Variants in FXR2 observed in about 807,000 individuals in gnomAD.
FXR2 encodes the protein FMR1 autosomal homolog 2.
A neutral mutation model predicts 87.3 loss-of-function variants in FXR2; 9 were observed. That is an observed-to-expected ratio of 0.10 (90% CI 0.06 to 0.18). FXR2 has a LOEUF of 0.18. Among genes scored for constraint, FXR2 ranks in the 10% least tolerant of loss-of-function variants. The probability of loss-of-function intolerance (pLI) is 1.00; values close to 1 mark genes in which losing one functional copy is unlikely to be tolerated. For synonymous variants in FXR2, 331 were observed against 328.3 expected, an observed-to-expected ratio of 1.01 and a Z score of -0.09; for missense variants, 661 against 893.6, an observed-to-expected ratio of 0.74 and a Z score of 3.32.
chr17:7,610,478 A>G (rs2071854535), intron 1 of FXR2, among the ~76,000 whole-genome samples: 3 of 152,146 alleles, frequency 2.0e-5, no homozygotes, highest in African/African-American at 7.2e-5. Context: ...CATGACTTCC[A>G]AGGCAGAAAT....
rs200446193 is a variant in FXR2, at chr17:7,601,680, G to A, written c.544-155C>T. Among the ~76,000 whole-genome samples the A allele has an allele frequency of 2.6e-4, 39 of 152,338 alleles. No homozygotes were observed. In the East Asian group the frequency reaches 6.2e-3, roughly 24 times the overall value. ...GCGGTGGCTCATGCCTGCAATCCCA[G>A]GACTTTGGGAGGCCAAGGCAGGCGG... On this transcript the variant is annotated intron_variant, in intron 6 of 16. Transcript: ENST00000250113.
intron 7 of FXR2, among the ~76,000 whole-genome samples, chr17:7,598,319 G>A (rs1223355082): frequency 2.0e-5 from 3 of 152,148 alleles, no homozygotes; most frequent in Non-Finnish European, 4.4e-5. Context: ...GCCGGGCGTG[G>A]TGGCAGGCGC....
In FXR2 at chr17:7,591,650, G is replaced by A. The variant is rs2071661497; in HGVS notation, c.*180C>T. 6.3e-6 allele frequency: 4 copies of A among 634,928 alleles called. No homozygotes were observed. Among genetic ancestry groups the A allele is most frequent in the Admixed American group, 2.4e-5 (1 of 42,204 alleles). 39.3% of individuals were successfully genotyped at this position (634,928 alleles called of 1,614,324 possible). On this transcript the variant is annotated 3_prime_UTR_variant, in exon 17 of 17. Coordinates refer to ENST00000250113, the MANE Select transcript of FXR2 (RefSeq NM_004860.4). This position sits in a 1 kb window ranked among gnomAD's most constrained non-coding sequence, Gnocchi z 4.0. ...GGGGTAGGGTGGACAAGAGGGAGGG[G>A]GTATGACCCTGTTACACACCCCTCC...
At chr17:7,605,123 C>G (rs1001115521) in intron 3 of FXR2, among the ~76,000 whole-genome samples, 10 of 147,060 alleles carry the variant, frequency 6.8e-5, no homozygotes, top group African/African-American at 2.7e-4. Flanking sequence ...AATCCCAGCA[C>G]TTTGGGAAGC....
At chr17:7,611,528 C>A (rs928414517) in intron 1 of FXR2, among the ~76,000 whole-genome samples, 1 of 152,112 alleles carries the variant, frequency 6.6e-6, no homozygotes, top group Non-Finnish European at 1.5e-5. Flanking sequence ...ATTAGCCAGG[C>A]ATGGTGTTGC....
At chr17:7,599,279 G>A (rs1252063905) in intron 7 of FXR2, among the ~76,000 whole-genome samples, 6 of 152,062 alleles carry the variant, frequency 3.9e-5, no homozygotes, top group South Asian at 2.1e-4. Flanking sequence ...CTCCAGCCTG[G>A]ATAACAGACT....
At chr17:7,610,554 TA>T (rs1422114466) in intron 1 of FXR2, among the ~76,000 whole-genome samples, 2 of 152,146 alleles carry the variant, frequency 1.3e-5, no homozygotes, top group East Asian at 3.9e-4. Context: ...ACTCAACCCT[TA>T]TATTTCCAGG....
At chr17:7,598,769 G>A (rs2071728696) in intron 7 of FXR2, among the ~76,000 whole-genome samples, 1 of 152,208 alleles carries the variant, frequency 6.6e-6, no homozygotes, top group Admixed American at 6.5e-5. Flanking sequence ...AGCACTTTGG[G>A]AGGCCAAGGC....
intron 7 of FXR2, 68 bp downstream of exon 7, chr17:7,601,341 A>G (rs2150943855): frequency 1.1e-6 from 1 of 877,202 alleles, no homozygotes; most frequent in South Asian, 1.3e-5. Flanking sequence ...AAGATCATGG[A>G]TGGAGGACAG....
chr17:7,606,321 A>T (rs530221208), intron 1 of FXR2, among the ~76,000 whole-genome samples, 172 bp from the exon 2 acceptor site: 1 of 152,172 alleles, frequency 6.6e-6, no homozygotes, highest in Non-Finnish European at 1.5e-5. Flanking sequence ...ATGGGCAGTC[A>T]AACAGAGAAA....
intron 2 of FXR2, 67 bp downstream of exon 2, chr17:7,606,030 C>T: frequency 9.6e-7 from 1 of 1,046,890 alleles, no homozygotes; most frequent in South Asian, 1.4e-5. Flanking sequence ...TAGGACTCAG[C>T]TGCCCCCTCT....
At chr17:7,610,000 GTATACATATATA>G (rs2071845556) in intron 1 of FXR2, among the ~76,000 whole-genome samples, 3 of 125,790 alleles carry the variant, frequency 2.4e-5, no homozygotes, top group Non-Finnish European at 5.1e-5. Flanking sequence ...ACATGTATAT[GTATACATATATA>G]TATACATGTA....
At chr17:7,601,781 G>C (rs1720955152) in intron 6 of FXR2, among the ~76,000 whole-genome samples, 1 of 152,066 alleles carries the variant, frequency 6.6e-6, no homozygotes. Flanking sequence ...ACAAAAATTA[G>C]CTGGGCGTGG....
rs566158226 is a variant in FXR2 at position 7,594,825 on chromosome 17, G to A, written c.832-68C>T. On this transcript the variant is annotated intron_variant, in intron 8 of 16. Coordinates refer to ENST00000250113, the MANE Select transcript of FXR2 (RefSeq NM_004860.4). This position sits in a 1 kb window ranked among gnomAD's most constrained non-coding sequence, Gnocchi z 5.1. ...CAGCTGGATGTGGTGGCTCACGCCT[G>A]TAATCCCAGCACTTTGGGAGGCTGG... The A allele has an allele frequency of 3.2e-6, 3 of 943,688 alleles. No individual in the cohort carries two copies. The highest frequency in any genetic ancestry group is 3.2e-5 in the African/African-American group (2 of 62,326). 58.5% of individuals were successfully genotyped at this position (943,688 alleles called of 1,614,324 possible).
intron 3 of FXR2, among the ~76,000 whole-genome samples, chr17:7,605,225 G>T (rs1406021098): frequency 6.6e-6 from 1 of 151,232 alleles, no homozygotes; most frequent in African/African-American, 2.5e-5. Flanking sequence ...AAAATTACCC[G>T]AGCATGATGG....
chr17:7,595,769 G>A lies in FXR2; in HGVS notation c.831+55C>T. ...AGTTTGAGGCTTATTTTCTACTTCGGCCTCTCTTCCCTCTATCCCCTAAGA... is the reference window on the plus strand; with the variant it reads ...AGTTTGAGGCTTATTTTCTACTTCGACCTCTCTTCCCTCTATCCCCTAAGA... On this transcript the variant is annotated intron_variant, in intron 8 of 16. Coordinates refer to ENST00000250113, the MANE Select transcript of FXR2 (RefSeq NM_004860.4). This position sits in a 1 kb window ranked among gnomAD's most constrained non-coding sequence, Gnocchi z 4.7. 1 of 1,448,072 alleles carries A rather than the reference G, an allele frequency of 6.9e-7. No homozygotes were observed. The highest frequency in any genetic ancestry group is 1.2e-5 in the South Asian group (1 of 84,694). The allele number at this position is 1,448,072 out of a possible 1,614,324, so 89.7% of individuals were successfully genotyped here.
At chr17:7,601,215 T>C (rs577705955) in intron 7 of FXR2, among the ~76,000 whole-genome samples, 194 bp downstream of exon 7, 2 of 151,382 alleles carry the variant, frequency 1.3e-5, no homozygotes, top group South Asian at 4.2e-4. Flanking sequence ...AAAAGAAATT[T>C]GAAAATAATT....
At chr17:7,603,956 A>G in intron 4 of FXR2, 51 bp from the exon 5 acceptor site, 1 of 1,610,408 alleles carries the variant, frequency 6.2e-7, no homozygotes, top group African/African-American at 1.3e-5. Flanking sequence ...GCAACTTTCT[A>G]TGAATAACAT....
Position 7,594,123 on chromosome 17 carries a change from A to G in FXR2, c.1020+115T>C. 1.1e-6 allele frequency: 1 copy of G among 880,638 alleles called. No individual in the cohort carries two copies. Among genetic ancestry groups the G allele is most frequent in the East Asian group, 2.5e-5 (1 of 39,846 alleles). The allele number at this position is 880,638 out of a possible 1,614,324, so 54.6% of individuals were successfully genotyped here. ...GATCATTCTGGGCTCTAAATCTACT[A>G]GTGTTAAACAACTTTCCGTACTCCA... is the stretch of plus-strand genomic sequence containing the variant. On this transcript the variant is annotated intron_variant, in intron 10 of 16. Coordinates refer to ENST00000250113, the MANE Select transcript of FXR2 (RefSeq NM_004860.4). This position sits in a 1 kb window ranked among gnomAD's most constrained non-coding sequence, Gnocchi z 5.1.
Sources: gnomAD v4.1 joint callset for allele counts (sites outside exome capture counted in the v4.1 genomes callset) on GRCh38, gnomAD v4.1.1 for gene constraint, Gnocchi (gnomAD v3.1) non-coding constraint, MANE v1.5 for transcripts, NCBI Gene and HGNC (gene_info 2026-07-23, HGNC 2026-07-21) for gene names.